PBX4: variants seen among roughly 807,000 people sequenced by gnomAD.
PBX4 encodes PBX homeobox 4, also known as pre-B-cell leukemia transcription factor 4.
A neutral mutation model predicts 35.1 loss-of-function variants in PBX4; 26 were observed. That is an observed-to-expected ratio of 0.74 (90% CI 0.54 to 1.03). The LOEUF (loss-of-function observed/expected upper bound fraction) is 1.03, where lower values mean the gene tolerates loss of function less well. PBX4 is among the 50% of genes least tolerant of loss of function. PBX4 has a pLI of 0.00. For missense variants in PBX4, 448 were observed against 504.3 expected, an observed-to-expected ratio of 0.89 and a Z score of 1.07; for synonymous variants, 199 against 204.2, an observed-to-expected ratio of 0.97 and a Z score of 0.22.
At chr19:19,611,678 CAAA>C (rs1344348105) in intron 1 of PBX4, among the ~76,000 whole-genome samples, 4 of 53,636 alleles carry the variant, frequency 7.5e-5, no homozygotes, top group Non-Finnish European at 7.7e-5. Flanking sequence ...GATTCTGTCT[CAAA>C]AAAAAAAAAA....
chr19:19,602,641 C>T lies in PBX4; in HGVS notation c.120-3276G>A, dbSNP rs1474952795. Among the ~76,000 whole-genome samples the T allele has an allele frequency of 2.0e-5, 3 of 152,102 alleles. No homozygotes were observed. In the East Asian group the frequency reaches 5.8e-4, roughly 29 times the overall value. ...GCAGAGCTTAAGTCTCACTATATTG[C>T]CCAGGCTGTTCTTGAACTCCTAGAC... On this transcript the variant is annotated intron_variant, in intron 1 of 7. Coordinates refer to ENST00000251203, the MANE Select transcript of PBX4 (RefSeq NM_025245.3).
rs1301056154 is a variant in PBX4 at position 19,591,790 on chromosome 19, A to G, written c.193+7502T>C. On this transcript the variant is annotated intron_variant, in intron 2 of 7. Coordinates refer to ENST00000251203, the MANE Select transcript of PBX4 (RefSeq NM_025245.3). ...CCAGGCTGTCCCTGCTCTGGTGCCA[A>G]ACACCACTGTGTGAATTCAGGCCAC... is the stretch of plus-strand genomic sequence containing the variant. Among the ~76,000 whole-genome samples the G allele has an allele frequency of 2.6e-5, 4 of 152,358 alleles. No individual in the cohort carries two copies. The East Asian group carries it at 7.7e-4, about 29-fold the overall frequency.
chr19:19,588,637 A>G (rs2061506254), intron 2 of PBX4, among the ~76,000 whole-genome samples: 1 of 152,162 alleles, frequency 6.6e-6, no homozygotes, highest in Admixed American at 6.6e-5. Context: ...CCATGGGGGA[A>G]AGGTCTAGAA....
chr19:19,586,547 A>G (rs1385193555), intron 2 of PBX4, among the ~76,000 whole-genome samples: 1 of 152,090 alleles, frequency 6.6e-6, no homozygotes, highest in Non-Finnish European at 1.5e-5. Context: ...AAAACACTGT[A>G]ATATATAGTG....
In PBX4 at chr19:19,574,481, G is replaced by C. The variant is rs557452876; in HGVS notation, c.194-3648C>G. ...CCCTGAGTGCCAGGCTGAACTGAAG[G>C]TTCCCACCACCTCACACTCAAGGAC... On this transcript the variant is annotated intron_variant, in intron 2 of 7. Coordinates refer to ENST00000251203, the MANE Select transcript of PBX4 (RefSeq NM_025245.3). 4.9e-4 allele frequency among the ~76,000 whole-genome samples: 75 copies of C among 152,200 alleles called. No individual in the cohort carries two copies. In the South Asian group the frequency reaches 0.01, roughly 21 times the overall value.
At chr19:19,584,782 T>C (rs549512616) in intron 2 of PBX4, among the ~76,000 whole-genome samples, 140 of 151,996 alleles carry the variant, frequency 9.2e-4, no homozygotes, top group African/African-American at 2.4e-3. Context: ...TGCACCACCA[T>C]GCCTGGCTAA....
At chr19:19,576,535 T>A (rs986106483) in intron 2 of PBX4, among the ~76,000 whole-genome samples, 14 of 147,370 alleles carry the variant, frequency 9.5e-5, no homozygotes, top group East Asian at 4.0e-4. Flanking sequence ...AAAAAAAAAA[T>A]TTTTTTTTTA....
intron 1 of PBX4, among the ~76,000 whole-genome samples, chr19:19,615,300 T>G (rs1412795055): frequency 6.6e-6 from 1 of 151,064 alleles, no homozygotes; most frequent in African/African-American, 2.4e-5. Context: ...TGAGTCATGA[T>G]GACACTACTG....
At chr19:19,568,467 G>A (rs1210450525) in intron 5 of PBX4, among the ~76,000 whole-genome samples, 3 of 102,020 alleles carry the variant, frequency 2.9e-5, no homozygotes, top group East Asian at 3.3e-4. Context: ...CTCCACCTCA[G>A]TCACCTCAGG....
At chr19:19,574,215 A>G (rs2061405198) in intron 2 of PBX4, among the ~76,000 whole-genome samples, 1 of 152,196 alleles carries the variant, frequency 6.6e-6, no homozygotes, top group Non-Finnish European at 1.5e-5. Flanking sequence ...ATGAAAAATC[A>G]TCACCAGGAA....
intron 2 of PBX4, among the ~76,000 whole-genome samples, chr19:19,573,875 G>A (rs550970790): frequency 3.3e-5 from 5 of 151,908 alleles, no homozygotes; most frequent in Non-Finnish European, 7.4e-5. Flanking sequence ...GATTACAGGC[G>A]CTCGCCACCA....
chr19:19,597,262 T>C (rs2061567040), intron 2 of PBX4, among the ~76,000 whole-genome samples: 1 of 152,174 alleles, frequency 6.6e-6, no homozygotes, highest in Admixed American at 6.6e-5. Context: ...GTTAGGGACA[T>C]CATGTCCTCA....
intron 1 of PBX4, among the ~76,000 whole-genome samples, chr19:19,602,535 C>T (rs1326715452): frequency 3.9e-5 from 6 of 152,136 alleles, no homozygotes; most frequent in African/African-American, 1.4e-4. Context: ...CGAACTCAAG[C>T]AATCCTCCCG....
At chr19:19,593,580 C>T (rs2061541811) in intron 2 of PBX4, among the ~76,000 whole-genome samples, 1 of 152,180 alleles carries the variant, frequency 6.6e-6, no homozygotes, top group South Asian at 2.1e-4. Context: ...TCACTGACTG[C>T]ACTTCCTGAT....
Position 19,563,685 on chromosome 19 carries a change from A to G in PBX4, c.926-70T>C. ...TCAGGTGGAACCCACCCAGCCCCTC[A>G]GCCGGCAGGAGGCCTCGAATGTGGC... On this transcript the variant is annotated intron_variant, in intron 6 of 7. Coordinates refer to ENST00000251203, the MANE Select transcript of PBX4 (RefSeq NM_025245.3). The surrounding 1 kb of genome is among the most constrained non-coding windows in gnomAD (Gnocchi z 5.1). 7.7e-7 allele frequency: 1 copy of G among 1,307,008 alleles called. No individual in the cohort carries two copies. The highest frequency in any genetic ancestry group is 1.1e-6 in the Non-Finnish European group (1 of 928,460). The allele number at this position is 1,307,008 out of a possible 1,614,324, so 81.0% of individuals were successfully genotyped here. A position where few individuals can be genotyped will look rare whatever the true frequency, so the allele number is the denominator to read the frequency against.
intron 2 of PBX4, among the ~76,000 whole-genome samples, chr19:19,572,854 CAAAAAAAAAA>C (rs36044843): frequency 1.0e-4 from 7 of 70,096 alleles, no homozygotes; most frequent in African/African-American, 3.9e-4. Flanking sequence ...GACTCCGTCT[CAAAAAAAAAA>C]AAAAAAAAAA....
At chr19:19,571,207 G>A (rs1034115871) in intron 2 of PBX4, among the ~76,000 whole-genome samples, 1 of 152,218 alleles carries the variant, frequency 6.6e-6, no homozygotes, top group African/African-American at 2.4e-5. Context: ...GGGCACCCAA[G>A]ATGCTGCATA....
chr19:19,573,315 G>GAA (rs1221032300), intron 2 of PBX4, among the ~76,000 whole-genome samples: 5 of 71,558 alleles, frequency 7.0e-5, no homozygotes, highest in African/African-American at 2.1e-4. Flanking sequence ...CCAAAAAAAA[G>GAA]AAAAAAAAAA....
intron 2 of PBX4, among the ~76,000 whole-genome samples, chr19:19,574,240 TA>T (rs150745485): frequency 0.018 from 2,771 of 152,338 alleles, 37 homozygotes; most frequent in East Asian, 0.054. Context: ...GGCATCAGGA[TA>T]CATCCCCTTG....
Sources: gnomAD v4.1 joint callset for allele counts (sites outside exome capture counted in the v4.1 genomes callset) on GRCh38, gnomAD v4.1.1 for gene constraint, Gnocchi (gnomAD v3.1) non-coding constraint, MANE v1.5 for transcripts, NCBI Gene and HGNC (gene_info 2026-07-23, HGNC 2026-07-21) for gene names.